The following SEC14L5 variants were observed in gnomAD, a reference collection of about 807,000 sequenced individuals.
The protein encoded by SEC14L5 is SEC14 like lipid binding 5.
In SEC14L5, 96 loss-of-function variants were observed where a neutral mutation model predicts 84.6. The ratio of observed to expected loss-of-function variants is 1.13; its 90% confidence interval spans 0.96 to 1.34. The LOEUF (loss-of-function observed/expected upper bound fraction) is 1.34, where lower values mean the gene tolerates loss of function less well. Among genes scored for constraint, SEC14L5 ranks in the 40% most tolerant of loss-of-function variants. The pLI, the probability that SEC14L5 is intolerant of heterozygous loss-of-function variation, is 0.00. For synonymous variants in SEC14L5, 546 were observed against 383.4 expected, an observed-to-expected ratio of 1.42 and a Z score of -4.95; for missense variants, 1,224 against 942.5, an observed-to-expected ratio of 1.30 and a Z score of -3.91.
At chr16:4,981,311 C>G (rs981985281) in intron 2 of SEC14L5, among the ~76,000 whole-genome samples, 1 of 129,378 alleles carries the variant, frequency 7.7e-6, no homozygotes, top group Non-Finnish European at 1.6e-5. Flanking sequence ...GGGGTTTCAC[C>G]ATATTGGCCA....
At chr16:4,996,681 C>A (rs1489268203) in intron 7 of SEC14L5, among the ~76,000 whole-genome samples, 174 bp from the exon 8 acceptor site, 1 of 152,050 alleles carries the variant, frequency 6.6e-6, no homozygotes, top group East Asian at 1.9e-4. Context: ...AAGCAATTCT[C>A]CTGCCCTAGC....
rs763051910 is a variant in SEC14L5, at chr16:5,016,338, G to C, written c.*1368G>C. 1 of 152,136 alleles carries C rather than the reference G, an allele frequency of 6.6e-6. No homozygotes were observed. The highest frequency in any genetic ancestry group is 2.4e-5 in the African/African-American group (1 of 41,418). The allele number at this position is 152,136 out of a possible 1,614,324, so 9.4% of individuals were successfully genotyped here. A position where few individuals can be genotyped will look rare whatever the true frequency, so the allele number is the denominator to read the frequency against. On this transcript the variant is annotated 3_prime_UTR_variant, in exon 16 of 16. Coordinates refer to ENST00000251170, the MANE Select transcript of SEC14L5 (RefSeq NM_014692.2). ...GGGTCACCAACTTGAAGCCTGATCT[G>C]GCCTGCTTTTAGTGTTGCTTTTTTG...
At chr16:4,977,099 A>G (rs999069104) in intron 2 of SEC14L5, among the ~76,000 whole-genome samples, 1 of 152,256 alleles carries the variant, frequency 6.6e-6, no homozygotes, top group African/African-American at 2.4e-5. Context: ...TCTCAAGGTC[A>G]CAGCAATGTT....
At chr16:4,974,536 A>G (rs985873895) in intron 2 of SEC14L5, among the ~76,000 whole-genome samples, 2 of 151,850 alleles carry the variant, frequency 1.3e-5, no homozygotes, top group African/African-American at 2.4e-5. Flanking sequence ...GGGCTATATG[A>G]TATGATAATT....
rs765549976 is a variant in SEC14L5 at position 4,990,862 on chromosome 16, C to T, written c.441C>T (p.Ile147=). The T allele has an allele frequency of 2.7e-5, 43 of 1,608,952 alleles. 1 individual carries two copies. The African/African-American group carries it at 3.1e-4, about 12-fold the overall frequency. The part of the protein sequence containing the change: ...FFGFENALEK[I]AMKQYTANVK... ...GCTTTGAAAATGCCTTGGAGAAGAT[C>T]GCCATGAAGCAGTACACCGCCAACG... is the stretch of plus-strand genomic sequence containing the variant. Residue 147 remains isoleucine, a synonymous_variant, in exon 5 of 16, where the codon ATC becomes ATT. Coordinates refer to ENST00000251170, the MANE Select transcript of SEC14L5 (RefSeq NM_014692.2).
rs372142380 is a variant in SEC14L5, at chr16:5,011,097, C to T, written c.1803C>T (p.Gly601=). ...AGGGCAGGGCTGATGTGTTTCAGGG[C>T]TCCCATGTGACCCGGTGGCCCGGCG... is the stretch of plus-strand genomic sequence containing the variant. The part of the protein sequence containing the change: ...LVCREGESIQ[G]SHVTRWPGVY... Residue 601 remains glycine, a splice_region_variant and synonymous_variant, in exon 15 of 16, where the codon GGC becomes GGT. Transcript: ENST00000251170. 1.3e-6 allele frequency: 2 copies of T among 1,597,118 alleles called. No individual in the cohort carries two copies. Among genetic ancestry groups the T allele is most frequent in the African/African-American group, 1.3e-5 (1 of 74,502 alleles).
chr16:4,997,361 A>G (rs1955623935), intron 8 of SEC14L5, among the ~76,000 whole-genome samples: 1 of 152,200 alleles, frequency 6.6e-6, no homozygotes, highest in Non-Finnish European at 1.5e-5. Context: ...TAGACTCCCA[A>G]AGTGTTGGGA....
intron 15 of SEC14L5, among the ~76,000 whole-genome samples, chr16:5,014,496 C>T (rs17137526): frequency 5.3e-5 from 8 of 152,326 alleles, no homozygotes; most frequent in African/African-American, 9.6e-5. Flanking sequence ...TCAGCGCACA[C>T]GAAGGCCACT....
In SEC14L5 at chr16:5,003,431, G is replaced by A. The variant is rs758128352; in HGVS notation, c.1160G>A (p.Gly387Glu). ...SSWTCLLDLEGLNMRHLWRPG... is the reference protein window; with the variant it reads ...SSWTCLLDLEELNMRHLWRPG... Reference sequence around the variant, plus strand: ...TGGACCTGCCTGCTAGACCTGGAGGGACTCAACATGCGGCACCTGTGGCGG... The same window carrying A: ...TGGACCTGCCTGCTAGACCTGGAGGAACTCAACATGCGGCACCTGTGGCGG... Residue 387 changes from glycine to glutamate, a missense_variant, in exon 11 of 16, where the codon GGA becomes GAA. Physicochemically the swap from Gly to Glu is moderately conservative, Grantham distance 98. Transcript: ENST00000251170. 6.2e-7 allele frequency: 1 copy of A among 1,613,416 alleles called. No homozygotes were observed. The highest frequency in any genetic ancestry group is 1.1e-5 in the South Asian group (1 of 91,064).
intron 2 of SEC14L5, among the ~76,000 whole-genome samples, chr16:4,969,089 T>C (rs1002504193): frequency 6.6e-6 from 1 of 152,254 alleles, no homozygotes; most frequent in African/African-American, 2.4e-5. Flanking sequence ...CTGATCCTGT[T>C]GCTAACAGAT....
At chr16:4,976,006 A>G (rs1955334562) in intron 2 of SEC14L5, among the ~76,000 whole-genome samples, 1 of 152,294 alleles carries the variant, frequency 6.6e-6, no homozygotes, top group East Asian at 1.9e-4. Context: ...GAGGAAGAAC[A>G]GGAAGGAAGG....
At chr16:5,002,997 A>G (rs1056876726) in intron 10 of SEC14L5, among the ~76,000 whole-genome samples, 1 of 152,242 alleles carries the variant, frequency 6.6e-6, no homozygotes, top group Admixed American at 6.5e-5. Flanking sequence ...GCATTGCAAT[A>G]ATGGAATGCT....
intron 2 of SEC14L5, among the ~76,000 whole-genome samples, chr16:4,980,866 C>A (rs781597029): frequency 2.0e-5 from 3 of 152,148 alleles, no homozygotes; most frequent in Non-Finnish European, 2.9e-5. Context: ...CAGAAAGCCC[C>A]ATGTCTCATG....
rs1486407912 is a variant in SEC14L5 at position 4,988,190 on chromosome 16, C to T, written c.255C>T (p.Ile85=). 2 of 1,610,344 alleles carry T rather than the reference C, an allele frequency of 1.2e-6. No homozygotes were observed. The highest frequency in any genetic ancestry group is 2.2e-5 in the East Asian group (1 of 44,646). Residue 85 remains isoleucine, a synonymous_variant, in exon 4 of 16, where the codon ATC becomes ATT. Coordinates refer to ENST00000251170, the MANE Select transcript of SEC14L5 (RefSeq NM_014692.2). ...VEHVVFVQTN[I]LNWKERTLLI... ...ACGTGGTCTTCGTGCAGACAAACAT[C>T]TTGAACTGGAAGGAGAGGACGCTCC...
intron 2 of SEC14L5, among the ~76,000 whole-genome samples, chr16:4,964,896 A>G (rs1330926677): frequency 6.6e-6 from 1 of 151,922 alleles, no homozygotes; most frequent in Non-Finnish European, 1.5e-5. Flanking sequence ...ACGCCCGGCT[A>G]ATGTTTGTAT....
In SEC14L5 at chr16:5,008,473, TC is replaced by T; in HGVS notation, c.1627del (p.Leu543CysfsTer31). The T allele has an allele frequency of 6.2e-7, 1 of 1,613,574 alleles. No individual in the cohort carries two copies. Among genetic ancestry groups the T allele is most frequent in the Non-Finnish European group, 8.5e-7 (1 of 1,179,786 alleles). On this transcript the variant is annotated frameshift_variant, in exon 14 of 16. Coordinates refer to ENST00000251170, the MANE Select transcript of SEC14L5 (RefSeq NM_014692.2). LOFTEE classifies it high-confidence loss of function. ...TCGGTCATCACCTGGGACTTTGACA[TC>T]CTGCGAGGGGACGTGGTGTTCAGCC... is the stretch of plus-strand genomic sequence containing the variant. ...GESVITWDFD[I>X]LRGDVVFSLY...
chr16:4,972,136 GC>G (rs1422234842), intron 2 of SEC14L5, among the ~76,000 whole-genome samples: 5 of 151,906 alleles, frequency 3.3e-5, no homozygotes, highest in African/African-American at 1.2e-4. Flanking sequence ...TACCTGAGTA[GC>G]TGGGACTATA....
At chr16:5,006,818 G>A (rs1184794990) in intron 12 of SEC14L5, among the ~76,000 whole-genome samples, 1 of 152,106 alleles carries the variant, frequency 6.6e-6, no homozygotes, top group Non-Finnish European at 1.5e-5. Flanking sequence ...GCTAATCCCA[G>A]TGTTTCTACA....
At chr16:5,014,117 T>A (rs990211681) in intron 15 of SEC14L5, among the ~76,000 whole-genome samples, 1 of 152,196 alleles carries the variant, frequency 6.6e-6, no homozygotes, top group African/African-American at 2.4e-5. Flanking sequence ...CTGCAGCAAT[T>A]TAACTTAGCA....
Sources: gnomAD v4.1 joint callset for allele counts (sites outside exome capture counted in the v4.1 genomes callset) on GRCh38, gnomAD v4.1.1 for gene constraint, MANE v1.5 for transcripts, NCBI Gene and HGNC (gene_info 2026-07-23, HGNC 2026-07-21) for gene names.